Variants in PLAAT5 observed in about 807,000 individuals in gnomAD.
The protein encoded by PLAAT5 is Ca(2+)-independent N-acyltransferase.
PLAAT5 carries 27 observed loss-of-function variants against 27.8 expected under a neutral mutation model. That is an observed-to-expected ratio of 0.97 (90% CI 0.72 to 1.34). PLAAT5 has a LOEUF of 1.34. PLAAT5 is among the 40% of genes most tolerant of loss of function. The probability of loss-of-function intolerance (pLI) is 0.00; values close to 1 mark genes in which losing one functional copy is unlikely to be tolerated. For missense variants in PLAAT5, 368 were observed against 343.8 expected, an observed-to-expected ratio of 1.07 and a Z score of -0.56; for synonymous variants, 125 against 136.1, an observed-to-expected ratio of 0.92 and a Z score of 0.57.
chr11:63,472,601 TG>T (rs1194855016), intron 3 of PLAAT5, among the ~76,000 whole-genome samples: 1 of 152,224 alleles, frequency 6.6e-6, no homozygotes, highest in Non-Finnish European at 1.5e-5. Flanking sequence ...TGGAATTTTT[TG>T]TGTGTACTTA....
At chr11:63,481,131 T>A (rs2016274039) in intron 3 of PLAAT5, among the ~76,000 whole-genome samples, 1 of 152,244 alleles carries the variant, frequency 6.6e-6, no homozygotes, top group South Asian at 2.1e-4. Flanking sequence ...TGGTATCTCC[T>A]TGAATAGCTT....
At chr11:63,490,443 C>A (rs567323727) in intron 1 of PLAAT5, 110 bp from the exon 2 acceptor site, 1,910 of 1,572,612 alleles carry the variant, frequency 1.2e-3, no homozygotes, top group Non-Finnish European at 1.6e-3. Context: ...TCGTGCCTGG[C>A]CCCTGGTTAG....
At chr11:63,477,459 G>A (rs2016177767) in intron 3 of PLAAT5, among the ~76,000 whole-genome samples, 1 of 151,936 alleles carries the variant, frequency 6.6e-6, no homozygotes, top group Admixed American at 6.6e-5. Context: ...TCTGCTTAGA[G>A]TTTTTTTCTT....
At chr11:63,471,370 C>T (rs2016021442) in intron 3 of PLAAT5, among the ~76,000 whole-genome samples, 1 of 151,920 alleles carries the variant, frequency 6.6e-6, no homozygotes, top group African/African-American at 2.4e-5. Context: ...ATTTGTTTTC[C>T]CTTGAAAAAA....
At chr11:63,465,567 G>T (rs1028952523) in intron 5 of PLAAT5, among the ~76,000 whole-genome samples, 1 of 151,950 alleles carries the variant, frequency 6.6e-6, no homozygotes, top group African/African-American at 2.4e-5. Flanking sequence ...CGAAGTGGAG[G>T]ATCACTTGAG....
Position 63,463,590 on chromosome 11 carries a change from C to T in PLAAT5, c.723G>A (p.Glu241=). The change falls in exon 6 of 6, where the codon GAG becomes GAA. Residue 241 remains glutamate (E), a synonymous_variant. Transcript: ENST00000540857. Reference sequence around the variant, plus strand: ...CCTTCGCTCCTTCCATCAGGGCGTGCTCTACCTGCAAAGCACATCAGTTCA... The same window carrying T: ...CCTTCGCTCCTTCCATCAGGGCGTGTTCTACCTGCAAAGCACATCAGTTCA... The part of the protein sequence containing the change: ...RYGVPRSQQV[E]HALMEGAKAA... The T allele has an allele frequency of 6.2e-7, 1 of 1,613,362 alleles. No homozygotes were observed. Among genetic ancestry groups the T allele is most frequent in the Non-Finnish European group, 8.5e-7 (1 of 1,179,852 alleles).
chr11:63,466,466 C>A (rs772748474), intron 4 of PLAAT5, 94 bp from the exon 5 acceptor site: 22 of 1,251,864 alleles, frequency 1.8e-5, no homozygotes, highest in Non-Finnish European at 2.3e-5. Flanking sequence ...CCCCTGGAGT[C>A]TCATTGGCAC....
intron 3 of PLAAT5, 22 bp downstream of exon 3, chr11:63,488,849 T>TG: frequency 6.5e-7 from 1 of 1,537,860 alleles, no homozygotes. Context: ...ATAGTCACTT[T>TG]GAGAATTCTT....
chr11:63,476,619 T>C (rs530214692), intron 3 of PLAAT5, among the ~76,000 whole-genome samples: 1 of 152,358 alleles, frequency 6.6e-6, no homozygotes, highest in African/African-American at 2.4e-5. Context: ...AAGTCTTTTT[T>C]TCTCTTGCTG....
intron 3 of PLAAT5, among the ~76,000 whole-genome samples, chr11:63,484,809 G>C (rs934810797): frequency 6.6e-6 from 1 of 152,130 alleles, no homozygotes; most frequent in Non-Finnish European, 1.5e-5. Flanking sequence ...TCAGACAAGA[G>C]AAAGAAATAA....
At chr11:63,469,180 G>A (rs1384820570) in intron 3 of PLAAT5, among the ~76,000 whole-genome samples, 1 of 151,592 alleles carries the variant, frequency 6.6e-6, no homozygotes, top group Non-Finnish European at 1.5e-5. Context: ...GAGAGAATGA[G>A]AATATACATG....
At chr11:63,472,099 A>C (rs73488065) in intron 3 of PLAAT5, among the ~76,000 whole-genome samples, 3,243 of 152,232 alleles carry the variant, frequency 0.021, 117 homozygotes, top group African/African-American at 0.074. Context: ...TGCTGGACTT[A>C]ATACTAAGGT....
chr11:63,483,205 C>T (rs80023662), intron 3 of PLAAT5, among the ~76,000 whole-genome samples: 9,997 of 152,064 alleles, frequency 0.066, 693 homozygotes, highest in African/African-American at 0.17. Flanking sequence ...GTCATCAAGA[C>T]GGAATGTCAA....
Position 63,463,366 on chromosome 11 carries a change from G to T in PLAAT5, c.*137C>A. 2.8e-6 allele frequency: 2 copies of T among 715,012 alleles called. No individual in the cohort carries two copies. The highest frequency in any genetic ancestry group is 3.2e-5 in the South Asian group (2 of 63,166). The allele number at this position is 715,012 out of a possible 1,614,324, so 44.3% of individuals were successfully genotyped here. Reference sequence around the variant, plus strand: ...ATATATTGGATGTATTTCTGGAAGGGTAATTGGATACATTGTAGATTCTTC... The same window carrying T: ...ATATATTGGATGTATTTCTGGAAGGTTAATTGGATACATTGTAGATTCTTC... On this transcript the variant is annotated 3_prime_UTR_variant, in exon 6 of 6. Coordinates refer to ENST00000540857, the MANE Select transcript of PLAAT5 (RefSeq NM_001146729.2).
chr11:63,488,827 A>C, intron 3 of PLAAT5, 44 bp downstream of exon 3: 1 of 1,324,808 alleles, frequency 7.5e-7, no homozygotes, highest in Non-Finnish European at 1.1e-6. Context: ...AGAAGTTGCC[A>C]GGAGGTTAAA....
rs2015744558 is a variant in PLAAT5 at position 63,462,483 on chromosome 11, G to C, written c.*1020C>G. 6.6e-6 allele frequency: 1 copy of C among 152,182 alleles called. No homozygotes were observed. Among genetic ancestry groups the C allele is most frequent in the Non-Finnish European group, 1.5e-5 (1 of 68,034 alleles). The allele number at this position is 152,182 out of a possible 1,614,324, so 9.4% of individuals were successfully genotyped here. On this transcript the variant is annotated 3_prime_UTR_variant, in exon 6 of 6. Transcript: ENST00000540857. ...AAAACATTGAAGAGTTTCAGTGAGA[G>C]TCTATTTTCTCCAAATAGGAGAAAA...
intron 3 of PLAAT5, among the ~76,000 whole-genome samples, chr11:63,487,194 T>C (rs1008663357): frequency 6.6e-6 from 1 of 152,190 alleles, no homozygotes; most frequent in Non-Finnish European, 1.5e-5. Flanking sequence ...ATAAAGTATA[T>C]ATCTGATGAC....
intron 4 of PLAAT5, among the ~76,000 whole-genome samples, chr11:63,467,299 G>A (rs1163112129): frequency 6.6e-6 from 1 of 152,200 alleles, no homozygotes; most frequent in African/African-American, 2.4e-5. Context: ...AAGTATCTCT[G>A]TGGTTGTACA....
At chr11:63,464,195 G>A (rs1389265013) in intron 5 of PLAAT5, among the ~76,000 whole-genome samples, 3 of 152,178 alleles carry the variant, frequency 2.0e-5, no homozygotes, top group Admixed American at 2.0e-4. Context: ...GGTGCAGAAA[G>A]TAAAGGGCAC....
Sources: allele counts gnomAD v4.1 joint callset (sites outside exome capture counted in the v4.1 genomes callset), GRCh38; gene constraint gnomAD v4.1.1; transcripts MANE v1.5; gene names NCBI Gene and HGNC (gene_info 2026-07-23, HGNC 2026-07-21).